CATSPERT: variants seen among roughly 807,000 people sequenced by gnomAD.
CATSPERT encodes catsper channel auxiliary subunit tau.
At chr2:201,532,240 T>A in the CATSPERT span, among the ~76,000 whole-genome samples, 1 of 152,336 alleles carries the variant, frequency 6.6e-6, no homozygotes, top group African/African-American at 2.4e-5. Context: ...TATTTTTGTC[T>A]TTTTTGAATA....
At chr2:201,610,326 C>T in the CATSPERT span, among the ~76,000 whole-genome samples, 7 of 151,918 alleles carry the variant, frequency 4.6e-5, no homozygotes, top group Non-Finnish European at 8.8e-5. Context: ...GGCGTGGTGG[C>T]GGGCGCCTGT....
At chr2:201,571,997 A>C in the CATSPERT span, 1 of 1,613,172 alleles carries the variant, frequency 6.2e-7, no homozygotes, top group Non-Finnish European at 8.5e-7. Flanking sequence ...TGGATGGCTC[A>C]GTAATTTTCT....
the CATSPERT span, among the ~76,000 whole-genome samples, chr2:201,515,951 A>C: frequency 6.6e-6 from 1 of 152,248 alleles, no homozygotes; most frequent in Non-Finnish European, 1.5e-5. Context: ...CTATAACAGC[A>C]GTATTCATGT....
At chr2:201,544,578 C>G in the CATSPERT span, among the ~76,000 whole-genome samples, 4 of 151,894 alleles carry the variant, frequency 2.6e-5, no homozygotes, top group Admixed American at 6.6e-5. Flanking sequence ...TCTGCATAAA[C>G]ACACTCCTCT....
the CATSPERT span, among the ~76,000 whole-genome samples, chr2:201,588,660 T>C: frequency 6.7e-6 from 1 of 150,282 alleles, no homozygotes; most frequent in Admixed American, 6.7e-5. Context: ...ACAATGGATG[T>C]AAATCCAAAC....
At chr2:201,615,562 T>C in the CATSPERT span, among the ~76,000 whole-genome samples, 9 of 152,142 alleles carry the variant, frequency 5.9e-5, no homozygotes, top group Non-Finnish European at 1.2e-4. Context: ...AAGCAGCGTG[T>C]AGAAGGAAAT....
the CATSPERT span, among the ~76,000 whole-genome samples, chr2:201,496,822 G>A: frequency 0.011 from 1,706 of 152,294 alleles, 39 homozygotes; most frequent in African/African-American, 0.038. Context: ...CACAGAATCT[G>A]AAGCTGAAGT....
chr2:201,541,325 C>G, the CATSPERT span, among the ~76,000 whole-genome samples: 1 of 151,808 alleles, frequency 6.6e-6, no homozygotes, highest in Non-Finnish European at 1.5e-5. Flanking sequence ...AAAATGCTAT[C>G]AAACACCATC....
the CATSPERT span, among the ~76,000 whole-genome samples, chr2:201,587,652 C>T: frequency 6.6e-6 from 1 of 152,142 alleles, no homozygotes; most frequent in Non-Finnish European, 1.5e-5. Flanking sequence ...ATGGGACGTA[C>T]ATATGTGTGA....
chr2:201,536,417 A>G, the CATSPERT span: 7 of 1,354,762 alleles, frequency 5.2e-6, no homozygotes, highest in South Asian at 3.2e-5. Flanking sequence ...TTGTACCCTT[A>G]TCCTTTAGCA....
At chr2:201,595,805 T>C in the CATSPERT span, among the ~76,000 whole-genome samples, 4 of 150,328 alleles carry the variant, frequency 2.7e-5, no homozygotes, top group East Asian at 5.8e-4. Flanking sequence ...CCAACAATCA[T>C]GTGAAAAAAA....
chr2:201,505,625 A>T, the CATSPERT span, among the ~76,000 whole-genome samples: 1 of 152,168 alleles, frequency 6.6e-6, no homozygotes, highest in South Asian at 2.1e-4. Flanking sequence ...GTTAAAAACA[A>T]CAACAACAAC....
At chr2:201,582,527 C>A in the CATSPERT span, among the ~76,000 whole-genome samples, 2 of 152,112 alleles carry the variant, frequency 1.3e-5, no homozygotes, top group East Asian at 3.8e-4. Context: ...TAACACTACA[C>A]AAAAGTTCAC....
At chr2:201,562,349 G>T in the CATSPERT span, among the ~76,000 whole-genome samples, 14 of 151,076 alleles carry the variant, frequency 9.3e-5, no homozygotes, top group African/African-American at 3.4e-4. Flanking sequence ...CACCACGCCC[G>T]GCTAATTTTT....
the CATSPERT span, chr2:201,494,439 T>A: frequency 6.5e-7 from 1 of 1,537,652 alleles, no homozygotes; most frequent in Non-Finnish European, 8.7e-7. Context: ...TTGGTAAAGA[T>A]ACATTTGGTA....
At chr2:201,496,438 G>C in the CATSPERT span, among the ~76,000 whole-genome samples, 2 of 152,210 alleles carry the variant, frequency 1.3e-5, no homozygotes, top group Non-Finnish European at 2.9e-5. Flanking sequence ...TGCCTCCTGG[G>C]TTCAAGAGAT....
chr2:201,598,749 G>C, the CATSPERT span, among the ~76,000 whole-genome samples: 1 of 152,118 alleles, frequency 6.6e-6, no homozygotes, highest in South Asian at 2.1e-4. Flanking sequence ...ACCCAGCTAA[G>C]TTTTGTATTC....
At chr2:201,546,828 G>A in the CATSPERT span, among the ~76,000 whole-genome samples, 2 of 152,092 alleles carry the variant, frequency 1.3e-5, no homozygotes, top group African/African-American at 2.4e-5. Flanking sequence ...GCACATAAAT[G>A]TTCACAGCAG....
At chr2:201,551,209 A>C in the CATSPERT span, among the ~76,000 whole-genome samples, 1 of 152,218 alleles carries the variant, frequency 6.6e-6, no homozygotes, top group African/African-American at 2.4e-5. Flanking sequence ...TTCAGTTAGT[A>C]TATCATGAAT....
Sources: gnomAD v4.1 joint callset for allele counts (sites outside exome capture counted in the v4.1 genomes callset) on GRCh38, gnomAD v4.1.1 for gene constraint, MANE v1.5 for transcripts, NCBI Gene and HGNC (gene_info 2026-07-23, HGNC 2026-07-21) for gene names.